Variants in DMTN observed in about 807,000 individuals in gnomAD.
DMTN encodes dematin actin binding protein, also known as dematin.
Under a neutral mutation model 59.4 loss-of-function variants are expected in DMTN, and 27 were observed. That is an observed-to-expected ratio of 0.45 (90% CI 0.33 to 0.63). The LOEUF is 0.63. Among genes scored for constraint, DMTN ranks in the 20% least tolerant of loss-of-function variants. The pLI is 0.02. For missense variants in DMTN, 451 were observed against 528.9 expected, an observed-to-expected ratio of 0.85 and a Z score of 1.45; for synonymous variants, 221 against 203.7, an observed-to-expected ratio of 1.08 and a Z score of -0.72.
In DMTN at chr8:22,080,816, C is replaced by A; in HGVS notation, c.969C>A (p.Gly323=). The A allele has an allele frequency of 6.2e-7, 1 of 1,603,026 alleles. No homozygotes were observed. ...TGSPGLQNGE[G]QRGRMDRGNS... is the part of the protein sequence containing the mutation. ...TTTGGTCTCCCCAGAACGGAGAGGGCCAGAGGGGGAGGATGGACCGGGGGA... is the reference window on the plus strand; with the variant it reads ...TTTGGTCTCCCCAGAACGGAGAGGGACAGAGGGGGAGGATGGACCGGGGGA... Residue 323 remains glycine (G), a synonymous_variant, in exon 14 of 16, where the codon GGC becomes GGA. Coordinates refer to ENST00000358242, the MANE Select transcript of DMTN (RefSeq NM_001387751.1).
rs1811829536 is a variant in DMTN at position 22,067,624 on chromosome 8, A to G, written c.191A>G (p.Tyr64Cys). 6.2e-7 allele frequency: 1 copy of G among 1,614,038 alleles called. No individual in the cohort carries two copies. The change falls in exon 4 of 16, where the codon TAC becomes TGC. Residue 64 changes from tyrosine (Y) to cysteine (C), a missense_variant. Coordinates refer to ENST00000358242, the MANE Select transcript of DMTN (RefSeq NM_001387751.1). ...LDIERPDLMI[Y>C]EPHFTYSLLE... ...ATCGAGCGGCCCGACCTCATGATCT[A>G]CGAGCCTCACTTCACTTATTCCCTC...
At chr8:22,069,691 T>TC (rs1813695102) in intron 6 of DMTN, among the ~76,000 whole-genome samples, 173 bp downstream of exon 6, 1 of 151,798 alleles carries the variant, frequency 6.6e-6, no homozygotes, top group South Asian at 2.1e-4. Flanking sequence ...TTTTTCTCTC[T>TC]CCCCCAGCCG....
intron 3 of DMTN, 118 bp downstream of exon 3, chr8:22,067,277 G>C: frequency 2.4e-6 from 3 of 1,249,424 alleles, no homozygotes; most frequent in Non-Finnish European, 3.3e-6. Flanking sequence ...TCCGGTGCTG[G>C]CGGGCAGAGA....
intron 15 of DMTN, 53 bp from the exon 16 acceptor site, chr8:22,081,297 T>A: frequency 2.5e-6 from 4 of 1,599,922 alleles, no homozygotes; most frequent in Non-Finnish European, 3.4e-6. Context: ...CCTAGGTCAC[T>A]GGGCACAGCC....
chr8:22,074,296 C>G (rs1030432595), intron 10 of DMTN, among the ~76,000 whole-genome samples: 1 of 150,748 alleles, frequency 6.6e-6, no homozygotes, highest in Non-Finnish European at 1.5e-5. Context: ...TTTATTGAGA[C>G]AGGGCCTTGC....
upstream of DMTN, among the ~76,000 whole-genome samples, chr8:22,052,085 G>A (rs776894821): frequency 1.4e-4 from 21 of 152,146 alleles, no homozygotes; most frequent in African/African-American, 4.1e-4. Context: ...CACCCAGACC[G>A]CAGGCTCCTC....
At chr8:22,065,654 C>A (rs1359602049) in intron 1 of DMTN, among the ~76,000 whole-genome samples, 1 of 151,928 alleles carries the variant, frequency 6.6e-6, no homozygotes, top group East Asian at 2.0e-4. Context: ...ACCAGCCTGG[C>A]CGATATGGTG....
rs1232966565 is a variant in DMTN, at chr8:22,082,333, C to T, written c.*870C>T. ...GGGGCCCCCCCAGCTGCTTTCCTCA[C>T]CTGCCCCTGCCCTACCTTACACCCC... On this transcript the variant is annotated 3_prime_UTR_variant, in exon 16 of 16. Transcript: ENST00000358242. The T allele has an allele frequency of 9.4e-6, 4 of 423,896 alleles. No homozygotes were observed. Among genetic ancestry groups the T allele is most frequent in the African/African-American group, 4.1e-5 (2 of 49,298 alleles). 26.3% of individuals were successfully genotyped at this position (423,896 alleles called of 1,614,324 possible).
At chr8:22,065,819 A>T (rs1810145711) in intron 1 of DMTN, among the ~76,000 whole-genome samples, 1 of 126,938 alleles carries the variant, frequency 7.9e-6, no homozygotes, top group Non-Finnish European at 1.6e-5. Flanking sequence ...TGGGCGACAG[A>T]GCAAGACCTT....
At chr8:22,065,827 CTTTTTTTTTT>C (rs76626050) in intron 1 of DMTN, among the ~76,000 whole-genome samples, 3 of 74,586 alleles carry the variant, frequency 4.0e-5, no homozygotes, top group Non-Finnish European at 7.3e-5. Context: ...AGAGCAAGAC[CTTTTTTTTTT>C]TTTTTTTTTT....
intron 10 of DMTN, among the ~76,000 whole-genome samples, chr8:22,077,170 A>C (rs9314296): frequency 0.78 from 117,977 of 151,534 alleles, 46,565 homozygotes; most frequent in East Asian, 0.97. Context: ...GCCCAGCCAC[A>C]GAGCCGAAAC....
Position 22,067,522 on chromosome 8 carries a change from T to A in DMTN, c.94-5T>A, listed in dbSNP as rs747538366. Reference sequence around the variant, plus strand: ...CAGCAGTTTCACGCGCACCTTTCCCTTCAGGCCAAGATGGACAATCAGGTG... The same window carrying A: ...CAGCAGTTTCACGCGCACCTTTCCCATCAGGCCAAGATGGACAATCAGGTG... On this transcript the variant is annotated splice_polypyrimidine_tract_variant and splice_region_variant and intron_variant, in intron 3 of 15. Transcript: ENST00000358242. The A allele has an allele frequency of 1.2e-6, 2 of 1,614,030 alleles. No homozygotes were observed. The highest frequency in any genetic ancestry group is 2.7e-5 in the African/African-American group (2 of 74,930).
At chr8:22,052,232 T>G (rs867453962), upstream of DMTN, among the ~76,000 whole-genome samples, 6 of 152,380 alleles carry the variant, frequency 3.9e-5, no homozygotes, top group African/African-American at 4.8e-5. Context: ...TGTATGTGCT[T>G]GTCATGATTC....
In DMTN at chr8:22,082,437, C is replaced by A; in HGVS notation, c.*974C>A. 2.9e-6 allele frequency: 1 copy of A among 350,740 alleles called. No individual in the cohort carries two copies. The highest frequency in any genetic ancestry group is 2.2e-5 in the South Asian group (1 of 46,406). 21.7% of individuals were successfully genotyped at this position (350,740 alleles called of 1,614,324 possible). A position where few individuals can be genotyped will look rare whatever the true frequency, so the allele number is the denominator to read the frequency against. ...CCCAGGTCTGGGTATTGCTCCTGCC[C>A]AGACCCTGACATCCCTTTCCACTGT... On this transcript the variant is annotated 3_prime_UTR_variant, in exon 16 of 16. Transcript: ENST00000358242.
intron 7 of DMTN, 88 bp downstream of exon 7, chr8:22,070,025 C>T (rs994541003): frequency 3.9e-5 from 62 of 1,578,278 alleles, no homozygotes; most frequent in South Asian, 6.7e-5. Context: ...TGGAGGGGGT[C>T]GGGAGGATAG....
Position 22,060,628 on chromosome 8 carries a change from A to G in DMTN, c.-172+3492A>G, listed in dbSNP as rs552082612. Among the ~76,000 whole-genome samples, 36 of 152,340 alleles carry G rather than the reference A, an allele frequency of 2.4e-4. 1 individual carries two copies. In the South Asian group the frequency reaches 6.0e-3, roughly 25 times the overall value. On this transcript the variant is annotated intron_variant, in intron 1 of 15. Coordinates refer to ENST00000358242, the MANE Select transcript of DMTN (RefSeq NM_001387751.1). This position sits in a 1 kb window ranked among gnomAD's most constrained non-coding sequence, Gnocchi z 5.0. Reference sequence around the variant, plus strand: ...CTCTGTGGAAATAATTTATCAACCAACATGCTCTCTAACAAATGGCAGGGG... The same window carrying G: ...CTCTGTGGAAATAATTTATCAACCAGCATGCTCTCTAACAAATGGCAGGGG...
upstream of DMTN, among the ~76,000 whole-genome samples, chr8:22,049,930 AG>A (rs1801173131): frequency 6.6e-6 from 1 of 152,152 alleles, no homozygotes; most frequent in African/African-American, 2.4e-5. Flanking sequence ...AGGTGGGTGC[AG>A]CTACAGTCTC....
chr8:22,069,943 G>T lies in DMTN; in HGVS notation c.451+6G>T. On this transcript the variant is annotated splice_donor_region_variant and intron_variant, in intron 7 of 15. Transcript: ENST00000358242. ...TCCCATCTATAAGCAGAGAGGTGAGGGCGCCCCTGGCTCACCAGAGCCTGC... is the reference window on the plus strand; with the variant it reads ...TCCCATCTATAAGCAGAGAGGTGAGTGCGCCCCTGGCTCACCAGAGCCTGC... 10 of 1,614,066 alleles carry T rather than the reference G, an allele frequency of 6.2e-6. No homozygotes were observed. The highest frequency in any genetic ancestry group is 8.5e-6 in the Non-Finnish European group (10 of 1,179,936).
In DMTN at chr8:22,081,205, A is replaced by G. The variant is rs1325315162; in HGVS notation, c.1104+12A>G. On this transcript the variant is annotated intron_variant, in intron 15 of 15. Transcript: ENST00000358242. Reference sequence around the variant, plus strand: ...GGATGCGGCTTGAGGTAGGCAAGGAAGATGCCCTGGATGGGTGCGGGGCTG... The same window carrying G: ...GGATGCGGCTTGAGGTAGGCAAGGAGGATGCCCTGGATGGGTGCGGGGCTG... 1 of 1,613,222 alleles carries G rather than the reference A, an allele frequency of 6.2e-7. No homozygotes were observed. Among genetic ancestry groups the G allele is most frequent in the East Asian group, 2.2e-5 (1 of 44,806 alleles).
Sources: gnomAD v4.1 joint callset for allele counts (sites outside exome capture counted in the v4.1 genomes callset) on GRCh38, gnomAD v4.1.1 for gene constraint, Gnocchi (gnomAD v3.1) non-coding constraint, MANE v1.5 for transcripts, NCBI Gene and HGNC (gene_info 2026-07-23, HGNC 2026-07-21) for gene names.